The following AGAP1 variants were observed in gnomAD, a reference collection of about 807,000 sequenced individuals.
AGAP1 encodes the protein arf-GAP with GTPase, ANK repeat and PH domain-containing protein 1.
AGAP1 carries 29 observed loss-of-function variants against 105.3 expected under a neutral mutation model. The observed-to-expected ratio is 0.28, with a 90% CI of 0.21 to 0.38. AGAP1 has a LOEUF of 0.38. Among genes scored for constraint, AGAP1 ranks in the 10% least tolerant of loss-of-function variants. The pLI is 1.00. For synonymous variants in AGAP1, 509 were observed against 485.9 expected (o/e 1.05, Z -0.63); for missense variants, 998 against 1,165.1 (o/e 0.86, Z 2.09).
chr2:236,058,632 G>GA lies in AGAP1; in HGVS notation c.2114+9354dup, dbSNP rs2058108898. Among the ~76,000 whole-genome samples the GA allele has an allele frequency of 6.6e-6, 1 of 152,166 alleles. No homozygotes were observed. The highest frequency in any genetic ancestry group is 2.4e-5 in the African/African-American group (1 of 41,424). Reference sequence around the variant, plus strand: ...CACAGCTAACATTGTACTTTATGGTGAAATACTGCAGGCTTTTCCCCTAAG... The same window carrying GA: ...CACAGCTAACATTGTACTTTATGGTGAAAATACTGCAGGCTTTTCCCCTAAG... On this transcript the variant is annotated intron_variant, in intron 16 of 17. Coordinates refer to ENST00000304032, the MANE Select transcript of AGAP1 (RefSeq NM_001037131.3). This position sits in a 1 kb window ranked among gnomAD's most constrained non-coding sequence, Gnocchi z 4.6.
intron 1 of AGAP1, among the ~76,000 whole-genome samples, chr2:235,583,038 A>C (rs780457785): frequency 2.6e-5 from 4 of 152,238 alleles, no homozygotes; most frequent in Non-Finnish European, 4.4e-5. Context: ...CTTTCAGACC[A>C]GCTGCATTTT....
intron 6 of AGAP1, among the ~76,000 whole-genome samples, chr2:235,797,325 T>A (rs1033551662): frequency 6.6e-6 from 1 of 152,098 alleles, no homozygotes; most frequent in Non-Finnish European, 1.5e-5. Flanking sequence ...TTCTGTGGAG[T>A]TGGGGGACCG....
intron 1 of AGAP1, among the ~76,000 whole-genome samples, chr2:235,591,854 C>A (rs1945349537): frequency 6.7e-6 from 1 of 148,510 alleles, no homozygotes; most frequent in African/African-American, 2.5e-5. Flanking sequence ...GCCCCCACCC[C>A]CACCCCCCAC....
chr2:235,950,552 G>A (rs138990756), intron 12 of AGAP1, among the ~76,000 whole-genome samples: 26 of 152,168 alleles, frequency 1.7e-4, no homozygotes, highest in Non-Finnish European at 3.2e-4. Context: ...GATAGTCACT[G>A]ACGATTTTAA....
chr2:236,077,136 AAAAAAAAT>A lies in AGAP1; in HGVS notation c.2114+27857_2114+27864del, dbSNP rs1170105168. 4.6e-3 allele frequency among the ~76,000 whole-genome samples: 665 copies of A among 144,370 alleles called. 6 individuals are homozygous for A. The highest frequency in any genetic ancestry group is 0.016 in the African/African-American group (611 of 38,366). The allele number at this position is 144,370 out of a possible 152,430, so 94.7% of individuals were successfully genotyped here. ...AAGAAAAAAAGAGTAGAAAAAAAAA[AAAAAAAAT>A]ATATATATATATATATTCATATTCC... On this transcript the variant is annotated intron_variant, in intron 16 of 17. Transcript: ENST00000304032.
rs554827396 is a variant in AGAP1 at position 235,623,898 on chromosome 2, G to A, written c.164-85281G>A. Among the ~76,000 whole-genome samples the A allele has an allele frequency of 9.7e-4, 147 of 152,248 alleles. 2 individuals are homozygous for A. The highest frequency in any genetic ancestry group is 1.8e-3 in the Non-Finnish European group (120 of 68,010). On this transcript the variant is annotated intron_variant, in intron 1 of 17. Transcript: ENST00000304032. The surrounding 1 kb of genome is among the most constrained non-coding windows in gnomAD (Gnocchi z 4.5). ...AATATTTTGTTTCCATTTTCAAGAT[G>A]ATTCCAATTTGAGCTGTCTCCTGGA...
chr2:235,813,560 C>T (rs953175889), intron 9 of AGAP1, among the ~76,000 whole-genome samples: 4 of 152,218 alleles, frequency 2.6e-5, no homozygotes, highest in Non-Finnish European at 5.9e-5. Flanking sequence ...AGCTCAGACC[C>T]CTAGGGGGGC....
intron 1 of AGAP1, among the ~76,000 whole-genome samples, chr2:235,564,862 C>T (rs1160146416): frequency 2.0e-5 from 3 of 151,080 alleles, no homozygotes; most frequent in Admixed American, 6.6e-5. Context: ...GAGCCTGGAC[C>T]ACCACCCAGG....
At position 236,014,806 on chromosome 2, in the gene AGAP1, C is replaced by G. The variant is rs972188579; in HGVS notation, c.1646-21755C>G. ...CCCCTTTCTGCTCTCGGGATGCAGC[C>G]AAACGCAAAGCATGGAAACTAAACC... On this transcript the variant is annotated intron_variant, in intron 13 of 17. Coordinates refer to ENST00000304032, the MANE Select transcript of AGAP1 (RefSeq NM_001037131.3). The surrounding 1 kb of genome is among the most constrained non-coding windows in gnomAD (Gnocchi z 6.3). 1 of 455,730 alleles carries G rather than the reference C, an allele frequency of 2.2e-6. No homozygotes were observed. Among genetic ancestry groups the G allele is most frequent in the African/African-American group, 2.0e-5 (1 of 49,000 alleles). 28.2% of individuals were successfully genotyped at this position (455,730 alleles called of 1,614,324 possible).
chr2:236,036,783 C>G lies in AGAP1; in HGVS notation c.1800+68C>G. ...GGGGGAGTGCGGGCCCCAAGTAATG[C>G]CCCAGGGAGGAGAAAATAGAGGACC... is the stretch of plus-strand genomic sequence containing the variant. On this transcript the variant is annotated intron_variant, in intron 14 of 17. Coordinates refer to ENST00000304032, the MANE Select transcript of AGAP1 (RefSeq NM_001037131.3). The surrounding 1 kb of genome is among the most constrained non-coding windows in gnomAD (Gnocchi z 5.7). 6.3e-7 allele frequency: 1 copy of G among 1,582,568 alleles called. No homozygotes were observed. Among genetic ancestry groups the G allele is most frequent in the East Asian group, 2.2e-5 (1 of 44,740 alleles).
rs2054267544 is a variant in AGAP1, at chr2:235,963,423, A to G, written c.1484-5039A>G. On this transcript the variant is annotated intron_variant, in intron 12 of 17. Transcript: ENST00000304032. The surrounding 1 kb of genome is among the most constrained non-coding windows in gnomAD (Gnocchi z 5.1). ...TTTGTGTGCACATAGAAAAGGAAAC[A>G]GATGTATTTGAACAGAGGTAGTTTA... is the stretch of plus-strand genomic sequence containing the variant. 6.6e-6 allele frequency among the ~76,000 whole-genome samples: 1 copy of G among 152,356 alleles called. No individual in the cohort carries two copies. Among genetic ancestry groups the G allele is most frequent in the Admixed American group, 6.5e-5 (1 of 15,302 alleles).
intron 1 of AGAP1, among the ~76,000 whole-genome samples, chr2:235,539,890 C>T (rs968226616): frequency 6.6e-6 from 1 of 152,128 alleles, no homozygotes; most frequent in African/African-American, 2.4e-5. Flanking sequence ...GATAGGAAAA[C>T]AAGCCCTTTT....
rs564446827 is a variant in AGAP1, at chr2:235,667,267, T to C, written c.164-41912T>C. ...TGTCACTGTGTAGCATTGCAGTAGG[T>C]ACTCAATATATATTCGATGAATAAA... is the stretch of plus-strand genomic sequence containing the variant. On this transcript the variant is annotated intron_variant, in intron 1 of 17. Coordinates refer to ENST00000304032, the MANE Select transcript of AGAP1 (RefSeq NM_001037131.3). Among the ~76,000 whole-genome samples the C allele has an allele frequency of 4.6e-5, 7 of 152,236 alleles. No individual in the cohort carries two copies. In the East Asian group the frequency reaches 1.2e-3, roughly 25 times the overall value.
At chr2:235,545,028 C>T (rs1254881913) in intron 1 of AGAP1, among the ~76,000 whole-genome samples, 1 of 152,162 alleles carries the variant, frequency 6.6e-6, no homozygotes, top group Non-Finnish European at 1.5e-5. Context: ...TGGAATTAGA[C>T]AATTTTCTGA....
At chr2:235,995,285 T>C (rs903582142) in intron 13 of AGAP1, among the ~76,000 whole-genome samples, 2 of 151,524 alleles carry the variant, frequency 1.3e-5, no homozygotes, top group Non-Finnish European at 2.9e-5. Context: ...GGAGCCGAGG[T>C]GGGCAGATCA....
At chr2:236,004,599 G>A (rs943813533) in intron 13 of AGAP1, among the ~76,000 whole-genome samples, 6 of 152,220 alleles carry the variant, frequency 3.9e-5, no homozygotes, top group Non-Finnish European at 8.8e-5. Context: ...TATGGAGACA[G>A]CACAGCATCC....
At chr2:236,013,279 C>T (rs907741630) in intron 13 of AGAP1, among the ~76,000 whole-genome samples, 4 of 152,292 alleles carry the variant, frequency 2.6e-5, no homozygotes, top group Admixed American at 6.5e-5. Context: ...TAGTTAGAAG[C>T]ACTTGAGATT....
In AGAP1 at chr2:236,038,166, A is replaced by T. The variant is rs1213164141; in HGVS notation, c.1800+1451A>T. ...ACCCTGGCTTTACTGGGTCACGTCCACATGCATCCATGATGTGCCTCCTGA... is the reference window on the plus strand; with the variant it reads ...ACCCTGGCTTTACTGGGTCACGTCCTCATGCATCCATGATGTGCCTCCTGA... On this transcript the variant is annotated intron_variant, in intron 14 of 17. Transcript: ENST00000304032. The surrounding 1 kb of genome is among the most constrained non-coding windows in gnomAD (Gnocchi z 4.5). Among the ~76,000 whole-genome samples, 3 of 152,198 alleles carry T rather than the reference A, an allele frequency of 2.0e-5. No homozygotes were observed. Among genetic ancestry groups the T allele is most frequent in the Admixed American group, 6.5e-5 (1 of 15,278 alleles).
chr2:235,630,678 C>T (rs1029980151), intron 1 of AGAP1, among the ~76,000 whole-genome samples: 7 of 152,226 alleles, frequency 4.6e-5, no homozygotes, highest in African/African-American at 1.4e-4. Flanking sequence ...ATGTGTGCCT[C>T]AGTTCTCAAG....
Sources: gnomAD v4.1 joint callset for allele counts (sites outside exome capture counted in the v4.1 genomes callset) on GRCh38, gnomAD v4.1.1 for gene constraint, Gnocchi (gnomAD v3.1) non-coding constraint, MANE v1.5 for transcripts, NCBI Gene and HGNC (gene_info 2026-07-23, HGNC 2026-07-21) for gene names.